The following NRG2 variants were observed in gnomAD, a reference collection of about 807,000 sequenced individuals.
The protein encoded by NRG2 is pro-neuregulin-2, membrane-bound isoform.
A neutral mutation model predicts 73.9 loss-of-function variants in NRG2; 27 were observed. That is an observed-to-expected ratio of 0.37 (90% CI 0.27 to 0.50). The LOEUF (loss-of-function observed/expected upper bound fraction) is 0.50, where lower values mean the gene tolerates loss of function less well. NRG2 is among the 20% of genes least tolerant of loss of function. The pLI, the probability that NRG2 is intolerant of heterozygous loss-of-function variation, is 0.96. For synonymous variants in NRG2, 532 were observed against 541.0 expected, an observed-to-expected ratio of 0.98 and a Z score of 0.23; for missense variants, 1,126 against 1,210.1, an observed-to-expected ratio of 0.93 and a Z score of 1.03.
At chr5:139,979,646 G>A (rs1756642350) in intron 1 of NRG2, among the ~76,000 whole-genome samples, 2 of 152,238 alleles carry the variant, frequency 1.3e-5, no homozygotes, top group South Asian at 2.1e-4. Flanking sequence ...TAGCTGTCAT[G>A]TTATAAGGGA....
At chr5:139,998,404 G>A (rs771580997) in intron 1 of NRG2, among the ~76,000 whole-genome samples, 1 of 152,170 alleles carries the variant, frequency 6.6e-6, no homozygotes, top group Non-Finnish European at 1.5e-5. Flanking sequence ...GGCCGGCCAC[G>A]TGACCATCTC....
intron 5 of NRG2, 156 bp from the exon 6 acceptor site, chr5:139,855,934 T>C: frequency 1.6e-6 from 1 of 624,188 alleles, no homozygotes; most frequent in Non-Finnish European, 2.9e-6. Context: ...GTTCCTTCCC[T>C]CCTACATGCT....
At chr5:139,945,098 A>G in intron 1 of NRG2, among the ~76,000 whole-genome samples, 1 of 151,576 alleles carries the variant, frequency 6.6e-6, no homozygotes, top group Non-Finnish European at 1.5e-5. Flanking sequence ...TTTTAATCGA[A>G]CTGTATGTTT....
At chr5:140,004,790 A>G (rs1758761116) in intron 1 of NRG2, among the ~76,000 whole-genome samples, 1 of 152,218 alleles carries the variant, frequency 6.6e-6, no homozygotes, top group Non-Finnish European at 1.5e-5. Flanking sequence ...AAACTTGTGA[A>G]ATTCAAATAA....
At chr5:140,005,680 C>T (rs1163649297) in intron 1 of NRG2, among the ~76,000 whole-genome samples, 1 of 152,220 alleles carries the variant, frequency 6.6e-6, no homozygotes, top group Non-Finnish European at 1.5e-5. Flanking sequence ...ACCTCAGCTA[C>T]CACATGTCCA....
intron 1 of NRG2, among the ~76,000 whole-genome samples, chr5:139,910,391 C>A (rs1476192535): frequency 6.6e-6 from 1 of 152,230 alleles, no homozygotes; most frequent in Non-Finnish European, 1.5e-5. Flanking sequence ...AGTGAATGAA[C>A]TTCACTGATT....
rs1045122915 is a variant in NRG2 at position 139,851,200 on chromosome 5, C to T, written c.1772+404G>A. 1.3e-5 allele frequency among the ~76,000 whole-genome samples: 2 copies of T among 152,128 alleles called. No homozygotes were observed. The highest frequency in any genetic ancestry group is 4.8e-5 in the African/African-American group (2 of 41,422). ...TGGGGGTTTCACCATGTTGGCCAGA[C>T]TAGTCTCAAACTCCTGACCTCAGGT... On this transcript the variant is annotated intron_variant, in intron 9 of 9. Transcript: ENST00000361474. This position sits in a 1 kb window ranked among gnomAD's most constrained non-coding sequence, Gnocchi z 4.2.
intron 1 of NRG2, among the ~76,000 whole-genome samples, chr5:139,929,719 C>A (rs575425860): frequency 6.6e-6 from 1 of 152,158 alleles, no homozygotes; most frequent in African/African-American, 2.4e-5. Flanking sequence ...TTGCTTCCCC[C>A]CTTGGTCAAA....
chr5:139,860,775 T>C (rs548707462), intron 5 of NRG2, among the ~76,000 whole-genome samples: 215 of 152,200 alleles, frequency 1.4e-3, no homozygotes, highest in Middle Eastern at 0.01. Context: ...CCCCACATCA[T>C]TGAAGGGTTA....
chr5:139,871,085 T>C (rs1326725843), intron 4 of NRG2: 2 of 152,322 alleles, frequency 1.3e-5, no homozygotes, highest in Non-Finnish European at 2.9e-5. Flanking sequence ...TCCCATGGAG[T>C]GGGGGCTAGG....
At chr5:139,987,085 TTA>T (rs1401553120) in intron 1 of NRG2, among the ~76,000 whole-genome samples, 5 of 151,954 alleles carry the variant, frequency 3.3e-5, no homozygotes, top group Admixed American at 3.3e-4. Context: ...AAAAAGAATA[TTA>T]TGGGCTAGGC....
intron 1 of NRG2, among the ~76,000 whole-genome samples, chr5:139,940,818 C>T (rs1032598132): frequency 1.3e-5 from 2 of 151,976 alleles, no homozygotes; most frequent in African/African-American, 4.8e-5. Context: ...ATCATGCATT[C>T]TTGGATTTTT....
intron 1 of NRG2, among the ~76,000 whole-genome samples, chr5:140,014,291 T>C (rs1428308244): frequency 6.6e-6 from 1 of 152,042 alleles, no homozygotes; most frequent in African/African-American, 2.4e-5. Context: ...GGCTACAGTG[T>C]AGTGGTGAAA....
chr5:139,877,885 C>T (rs1022715766), intron 3 of NRG2, among the ~76,000 whole-genome samples: 10 of 152,262 alleles, frequency 6.6e-5, no homozygotes, highest in African/African-American at 1.9e-4. Context: ...ACTCTTTCCC[C>T]TGCTCTGCCC....
At chr5:139,890,240 C>T (rs1004078642) in intron 1 of NRG2, among the ~76,000 whole-genome samples, 142 of 152,312 alleles carry the variant, frequency 9.3e-4, no homozygotes, top group African/African-American at 3.2e-3. Context: ...TGAGGCTGAA[C>T]ATTTTTCATG....
Position 139,904,317 on chromosome 5 carries a change from G to T in NRG2, c.701-16806C>A. ...GCGGAGGTGCCCTACCTTTCTCCCC[G>T]GGATCGGGCTCCCTCTCCCGCTTCC... On this transcript the variant is annotated intron_variant, in intron 1 of 9. Transcript: ENST00000361474. This position sits in a 1 kb window ranked among gnomAD's most constrained non-coding sequence, Gnocchi z 6.0. The T allele has an allele frequency of 6.3e-7, 1 of 1,591,268 alleles. No individual in the cohort carries two copies.
intron 5 of NRG2, chr5:139,861,601 GGT>G (rs1762147702): frequency 6.9e-6 from 3 of 437,192 alleles, no homozygotes; most frequent in Admixed American, 4.8e-5. Context: ...TTAAATCCCA[GGT>G]TGGGGAGTGA....
intron 9 of NRG2, among the ~76,000 whole-genome samples, chr5:139,849,134 A>G (rs1202794145): frequency 6.6e-6 from 1 of 152,170 alleles, no homozygotes; most frequent in African/African-American, 2.4e-5. Flanking sequence ...CACGCAGGAA[A>G]GTAACACTCA....
intron 1 of NRG2, among the ~76,000 whole-genome samples, chr5:140,003,895 C>T (rs1243179569): frequency 6.6e-6 from 1 of 152,184 alleles, no homozygotes; most frequent in African/African-American, 2.4e-5. Context: ...CCTGTAAGTC[C>T]TACCTTCAAC....
Sources: allele counts gnomAD v4.1 joint callset (sites outside exome capture counted in the v4.1 genomes callset), GRCh38; gene constraint gnomAD v4.1.1; non-coding constraint Gnocchi (gnomAD v3.1); transcripts MANE v1.5; gene names NCBI Gene and HGNC (gene_info 2026-07-23, HGNC 2026-07-21).